BCAR3: variants seen among roughly 807,000 people sequenced by gnomAD.
BCAR3 encodes the protein breast cancer anti-estrogen resistance protein 3.
In BCAR3, 37 loss-of-function variants were observed where a neutral mutation model predicts 80.1. The ratio of observed to expected loss-of-function variants is 0.46; its 90% confidence interval spans 0.36 to 0.61. The LOEUF is 0.61. BCAR3 is among the 20% of genes least tolerant of loss of function. The pLI is 0.00. For missense variants in BCAR3, 978 were observed against 1,068.2 expected (o/e 0.92, Z 1.18); for synonymous variants, 389 against 418.9 (o/e 0.93, Z 0.87).
At chr1:93,571,280 G>A (rs961621108) in intron 9 of BCAR3, among the ~76,000 whole-genome samples, 15 of 151,728 alleles carry the variant, frequency 9.9e-5, no homozygotes, top group South Asian at 2.1e-4. Context: ...AGGCTGAGGC[G>A]GGCAGATCAT....
chr1:93,677,838 G>A (rs1167600355), intron 1 of BCAR3, among the ~76,000 whole-genome samples: 2 of 152,176 alleles, frequency 1.3e-5, no homozygotes, highest in African/African-American at 2.4e-5. Flanking sequence ...AGTGAGGGCA[G>A]ATGGAGATTT....
chr1:93,661,367 G>A (rs532905962), intron 2 of BCAR3, among the ~76,000 whole-genome samples: 71 of 151,914 alleles, frequency 4.7e-4, no homozygotes, highest in Non-Finnish European at 7.4e-4. Context: ...TAGTAGAGAC[G>A]GTATGGGTTT....
At chr1:93,712,973 C>T (rs1413961782) in intron 2 of BCAR3, among the ~76,000 whole-genome samples, 1 of 152,200 alleles carries the variant, frequency 6.6e-6, no homozygotes, top group African/African-American at 2.4e-5. Flanking sequence ...AAATTACCAC[C>T]TTCATCCTCA....
intron 2 of BCAR3, among the ~76,000 whole-genome samples, chr1:93,781,810 G>C (rs991333872): frequency 6.6e-6 from 1 of 152,134 alleles, no homozygotes; most frequent in African/African-American, 2.4e-5. Flanking sequence ...CCTTCTCCCT[G>C]TTCCCCACTT....
At chr1:93,661,989 G>C (rs545111156) in intron 2 of BCAR3, among the ~76,000 whole-genome samples, 15 of 152,258 alleles carry the variant, frequency 9.9e-5, no homozygotes, top group African/African-American at 3.1e-4. Flanking sequence ...CTGCACCCAG[G>C]GTTAACACGT....
intron 3 of BCAR3, among the ~76,000 whole-genome samples, chr1:93,630,767 C>T (rs908422306): frequency 6.6e-6 from 1 of 152,158 alleles, no homozygotes; most frequent in Non-Finnish European, 1.5e-5. Flanking sequence ...GTCAAATGAA[C>T]CAGCCATATA....
At chr1:93,736,744 A>G (rs778771728) in intron 2 of BCAR3, among the ~76,000 whole-genome samples, 1 of 152,224 alleles carries the variant, frequency 6.6e-6, no homozygotes, top group African/African-American at 2.4e-5. Flanking sequence ...AAAAGAAACT[A>G]TTCCAAGTGA....
intron 2 of BCAR3, among the ~76,000 whole-genome samples, chr1:93,648,423 TTC>T (rs1676214385): frequency 6.6e-6 from 1 of 152,158 alleles, no homozygotes; most frequent in African/African-American, 2.4e-5. Flanking sequence ...AGGGATGGTC[TTC>T]AACGAGGTTT....
intron 3 of BCAR3, among the ~76,000 whole-genome samples, chr1:93,631,205 T>G (rs890853905): frequency 2.0e-5 from 3 of 152,038 alleles, no homozygotes; most frequent in Admixed American, 2.0e-4. Context: ...CATGGCCTTC[T>G]CCCTCTACAC....
At chr1:93,662,267 T>C (rs1045488792) in intron 2 of BCAR3, among the ~76,000 whole-genome samples, 2 of 152,226 alleles carry the variant, frequency 1.3e-5, no homozygotes, top group Non-Finnish European at 2.9e-5. Context: ...TTAACAGCCA[T>C]AGCATGCTGC....
chr1:93,786,394 A>G (rs1166646329), intron 2 of BCAR3, among the ~76,000 whole-genome samples: 4 of 152,142 alleles, frequency 2.6e-5, no homozygotes, highest in Non-Finnish European at 4.4e-5. Context: ...CTAACTGGCT[A>G]GCTATGTGAG....
In BCAR3 at chr1:93,586,853, G is replaced by A. The variant is rs1570936079; in HGVS notation, c.929+2124C>T. Among the ~76,000 whole-genome samples the A allele has an allele frequency of 6.6e-6, 1 of 152,164 alleles. No individual in the cohort carries two copies. The highest frequency in any genetic ancestry group is 1.5e-5 in the Non-Finnish European group (1 of 68,000). On this transcript the variant is annotated intron_variant, in intron 5 of 11. Coordinates refer to ENST00000260502, the MANE Select transcript of BCAR3 (RefSeq NM_003567.4). This position sits in a 1 kb window ranked among gnomAD's most constrained non-coding sequence, Gnocchi z 4.2. ...TTTGCCACTGCAGTGGCATGATCTC[G>A]GCTCACTGCCTCCTGGGTTCAAGCA...
intron 2 of BCAR3, among the ~76,000 whole-genome samples, chr1:93,669,907 A>G (rs1471413453): frequency 1.3e-5 from 2 of 152,178 alleles, no homozygotes; most frequent in African/African-American, 2.4e-5. Context: ...AGGCATAAGA[A>G]TGATACAATG....
chr1:93,622,779 A>G (rs1387583125), intron 3 of BCAR3, among the ~76,000 whole-genome samples: 1 of 152,194 alleles, frequency 6.6e-6, no homozygotes, highest in African/African-American at 2.4e-5. Context: ...TGCAGGAGTG[A>G]CATCCAGAAG....
At chr1:93,815,294 G>A (rs1173872219) in intron 2 of BCAR3, among the ~76,000 whole-genome samples, 1 of 152,168 alleles carries the variant, frequency 6.6e-6, no homozygotes, top group Non-Finnish European at 1.5e-5. Context: ...GTAGGCCCCA[G>A]GGAGAAGCTC....
At chr1:93,603,055 T>C (rs1301551190) in intron 3 of BCAR3, among the ~76,000 whole-genome samples, 2 of 152,260 alleles carry the variant, frequency 1.3e-5, no homozygotes, top group Non-Finnish European at 1.5e-5. Flanking sequence ...CAATCCTACT[T>C]TTCCCACTGG....
chr1:93,582,866 A>G lies in BCAR3; in HGVS notation c.1121T>C (p.Leu374Pro). ...PVFRTGSEPA[L>P]SPAVVRRVSS... ...GACCCTCCGAACCACTGCTGGGCTC[A>G]GGGCAGGCTCGCTTCCCGTCCTGAA... is the stretch of plus-strand genomic sequence containing the variant. Residue 374 changes from leucine to proline, a missense_variant, in exon 7 of 12, where the codon CTG (leucine) becomes CCG (proline). Leu to Pro is a moderately conservative substitution (Grantham distance 98). Transcript: ENST00000260502. 1 of 1,612,428 alleles carries G rather than the reference A, an allele frequency of 6.2e-7. No individual in the cohort carries two copies. The highest frequency in any genetic ancestry group is 1.1e-5 in the South Asian group (1 of 91,070).
At chr1:93,713,364 C>G (rs1650088847) in intron 2 of BCAR3, among the ~76,000 whole-genome samples, 1 of 152,050 alleles carries the variant, frequency 6.6e-6, no homozygotes, top group Non-Finnish European at 1.5e-5. Flanking sequence ...CTCAGAAGGA[C>G]CAATTATTTA....
chr1:93,654,348 G>A (rs1647264251), intron 2 of BCAR3, among the ~76,000 whole-genome samples: 2 of 152,128 alleles, frequency 1.3e-5, no homozygotes, highest in South Asian at 4.2e-4. Context: ...AAGGCCTATG[G>A]CACAGAACTG....
Sources: allele counts gnomAD v4.1 joint callset (sites outside exome capture counted in the v4.1 genomes callset), GRCh38; gene constraint gnomAD v4.1.1; non-coding constraint Gnocchi (gnomAD v3.1); transcripts MANE v1.5; gene names NCBI Gene and HGNC (gene_info 2026-07-23, HGNC 2026-07-21).